Variants in CSMD1 observed in about 807,000 individuals in gnomAD.
CSMD1 encodes CUB and sushi domain-containing protein 1.
A neutral mutation model predicts 417.5 loss-of-function variants in CSMD1; 213 were observed. The observed-to-expected ratio is 0.51, with a 90% confidence interval of 0.46 to 0.57. The LOEUF is 0.57. CSMD1 is among the 20% of genes least tolerant of loss of function. The pLI, the probability that CSMD1 is intolerant of heterozygous loss-of-function variation, is 0.00. For synonymous variants in CSMD1, 2,862 were observed against 1,736.8 expected (o/e 1.65, Z -16.11); for missense variants, 6,923 against 4,529.7 (o/e 1.53, Z -15.17).
At chr8:4,310,759 G>C (rs1585206806) in intron 3 of CSMD1, among the ~76,000 whole-genome samples, 1 of 152,130 alleles carries the variant, frequency 6.6e-6, no homozygotes, top group Non-Finnish European at 1.5e-5. Context: ...TGGAGAGGGA[G>C]ACTGTGTCCA....
intron 2 of CSMD1, among the ~76,000 whole-genome samples, chr8:4,529,035 G>C (rs1173190739): frequency 6.6e-6 from 1 of 152,124 alleles, no homozygotes; most frequent in Admixed American, 6.5e-5. Flanking sequence ...ATATATGTGA[G>C]ACGGTGTTTT....
intron 2 of CSMD1, among the ~76,000 whole-genome samples, chr8:4,566,885 T>C (rs1798639017): frequency 2.6e-5 from 1 of 38,156 alleles, no homozygotes; most frequent in Non-Finnish European, 6.9e-5. Context: ...CTTGGCTGAA[T>C]GTTTTCCAGC....
chr8:4,650,638 G>C (rs76541295), intron 1 of CSMD1, among the ~76,000 whole-genome samples: 1 of 148,584 alleles, frequency 6.7e-6, no homozygotes, highest in African/African-American at 2.5e-5. Flanking sequence ...ACAGCCTTTC[G>C]AGTCTGTGGC....
chr8:3,440,920 G>A (rs950443562), intron 12 of CSMD1, among the ~76,000 whole-genome samples: 1 of 152,274 alleles, frequency 6.6e-6, no homozygotes, highest in Middle Eastern at 3.4e-3. Flanking sequence ...CCACTCCCTT[G>A]TCCCCAGACG....
chr8:4,157,109 C>G (rs568311572), intron 3 of CSMD1, among the ~76,000 whole-genome samples: 1 of 152,130 alleles, frequency 6.6e-6, no homozygotes, highest in Non-Finnish European at 1.5e-5. Context: ...CACTGCCTAT[C>G]TTGTGGAAAC....
chr8:4,598,614 T>G (rs1800408887), intron 2 of CSMD1, among the ~76,000 whole-genome samples: 1 of 152,196 alleles, frequency 6.6e-6, no homozygotes, highest in African/African-American at 2.4e-5. Flanking sequence ...TGTTTCTATA[T>G]TAAATCAACT....
At chr8:3,884,212 A>G (rs994151905) in intron 5 of CSMD1, among the ~76,000 whole-genome samples, 1 of 152,238 alleles carries the variant, frequency 6.6e-6, no homozygotes, top group Non-Finnish European at 1.5e-5. Context: ...AGTTTGTTTA[A>G]TAAGCCTTCC....
At chr8:3,129,638 G>A (rs1817686009) in intron 41 of CSMD1, among the ~76,000 whole-genome samples, 1 of 150,436 alleles carries the variant, frequency 6.6e-6, no homozygotes, top group South Asian at 2.1e-4. Context: ...AGCCAGGCAT[G>A]GTGACACACA....
rs890720563 is a variant in CSMD1, at chr8:3,492,982, C to G, written c.1448+641G>C. 2.0e-5 allele frequency among the ~76,000 whole-genome samples: 3 copies of G among 152,066 alleles called. No homozygotes were observed. In the South Asian group the frequency reaches 6.2e-4, roughly 32 times the overall value. Reference sequence around the variant, plus strand: ...CTGATAATATAACATCACAGGGAAGCAGAGGAGAGAGGTTAAAAAAGAGGT... The same window carrying G: ...CTGATAATATAACATCACAGGGAAGGAGAGGAGAGAGGTTAAAAAAGAGGT... On this transcript the variant is annotated intron_variant, in intron 11 of 69. Transcript: ENST00000635120.
At chr8:4,388,839 G>T (rs1185558967) in intron 3 of CSMD1, among the ~76,000 whole-genome samples, 2 of 152,138 alleles carry the variant, frequency 1.3e-5, no homozygotes, top group Non-Finnish European at 1.5e-5. Flanking sequence ...CCTTCCCTTT[G>T]ATTTAAAAAC....
At chr8:3,291,457 C>T (rs201665509) in intron 25 of CSMD1, among the ~76,000 whole-genome samples, 16 of 151,990 alleles carry the variant, frequency 1.1e-4, no homozygotes, top group East Asian at 3.9e-4. Flanking sequence ...ATCTGGTCCT[C>T]GACTTTTTTT....
At chr8:4,120,207 A>T (rs1802403093) in intron 3 of CSMD1, among the ~76,000 whole-genome samples, 1 of 152,174 alleles carries the variant, frequency 6.6e-6, no homozygotes, top group South Asian at 2.1e-4. Context: ...CAAAATTTAA[A>T]ATAAAAAAAA....
At chr8:4,787,017 G>C (rs911034414) in intron 1 of CSMD1, among the ~76,000 whole-genome samples, 109 of 152,322 alleles carry the variant, frequency 7.2e-4, no homozygotes, top group African/African-American at 2.4e-3. Flanking sequence ...TGGCAATGTG[G>C]AAGGAAGCAG....
chr8:3,343,203 A>G lies in CSMD1; in HGVS notation c.3631+91T>C. The G allele has an allele frequency of 5.2e-6, 6 of 1,161,900 alleles. No individual in the cohort carries two copies. The South Asian group carries it at 8.5e-5, about 17-fold the overall frequency. 72.0% of individuals were successfully genotyped at this position (1,161,900 alleles called of 1,614,324 possible). A position where few individuals can be genotyped will look rare whatever the true frequency, so the allele number is the denominator to read the frequency against. On this transcript the variant is annotated intron_variant, in intron 23 of 69. Coordinates refer to ENST00000635120, the MANE Select transcript of CSMD1 (RefSeq NM_033225.6). The stretch of plus-strand genomic sequence containing the variant: ...CAAAAACACAGTAGGCAGCCAGAAA[A>G]AAATCAATATTTAAAACTTAATATA...
chr8:4,050,448 G>T (rs538567132), intron 3 of CSMD1, among the ~76,000 whole-genome samples: 3 of 151,464 alleles, frequency 2.0e-5, no homozygotes, highest in African/African-American at 4.9e-5. Context: ...ATACTTATGG[G>T]GTACATATTT....
intron 10 of CSMD1, among the ~76,000 whole-genome samples, chr8:3,534,840 G>A (rs1798126272): frequency 6.6e-6 from 1 of 152,162 alleles, no homozygotes; most frequent in Non-Finnish European, 1.5e-5. Context: ...GGGAAACGTT[G>A]CTCTTTTGCC....
At chr8:4,094,939 A>C (rs1800922369) in intron 3 of CSMD1, among the ~76,000 whole-genome samples, 1 of 152,168 alleles carries the variant, frequency 6.6e-6, no homozygotes, top group African/African-American at 2.4e-5. Context: ...AAGGTTTTGA[A>C]CTGGGAATGG....
chr8:3,791,172 G>T (rs916700315), intron 5 of CSMD1, among the ~76,000 whole-genome samples: 1 of 152,150 alleles, frequency 6.6e-6, no homozygotes, highest in Non-Finnish European at 1.5e-5. Flanking sequence ...TTATATTTTA[G>T]GAGCATTTAG....
At chr8:4,735,317 T>C (rs779632607) in intron 1 of CSMD1, among the ~76,000 whole-genome samples, 24 of 152,188 alleles carry the variant, frequency 1.6e-4, no homozygotes, top group Non-Finnish European at 1.3e-4. Flanking sequence ...CAATGCCAGC[T>C]ACCAAGTTAC....
Sources: allele counts gnomAD v4.1 joint callset (sites outside exome capture counted in the v4.1 genomes callset), GRCh38; gene constraint gnomAD v4.1.1; transcripts MANE v1.5; gene names NCBI Gene and HGNC (gene_info 2026-07-23, HGNC 2026-07-21).